The following TESK2 variants were observed in gnomAD, a reference collection of about 807,000 sequenced individuals.
TESK2 encodes the protein dual specificity testis-specific protein kinase 2.
TESK2 carries 39 observed loss-of-function variants against 57.1 expected under a neutral mutation model. The ratio of observed to expected loss-of-function variants is 0.68; its 90% confidence interval spans 0.53 to 0.89. TESK2 has a LOEUF of 0.89. Among genes scored for constraint, TESK2 ranks in the 40% least tolerant of loss-of-function variants. The probability of loss-of-function intolerance (pLI) is 0.00; values close to 1 mark genes in which losing one functional copy is unlikely to be tolerated. For synonymous variants in TESK2, 249 were observed against 267.9 expected (o/e 0.93, Z 0.69); for missense variants, 646 against 732.1 (o/e 0.88, Z 1.36).
chr1:45,471,915 G>A (rs866017280), intron 1 of TESK2, among the ~76,000 whole-genome samples: 7 of 151,958 alleles, frequency 4.6e-5, no homozygotes, highest in African/African-American at 1.7e-4. Flanking sequence ...CACCTCAGCC[G>A]CCTCAGCACT....
intron 2 of TESK2, among the ~76,000 whole-genome samples, chr1:45,430,405 C>T (rs963125867): frequency 2.0e-5 from 3 of 152,056 alleles, no homozygotes; most frequent in Admixed American, 1.3e-4. Flanking sequence ...GTGGGAGGAT[C>T]GCTTGAGCCC....
rs183901205 is a variant in TESK2 at position 45,429,382 on chromosome 1, C to T, written c.223-7536G>A. ...TTGCACTCCAGCCTGGGTGACAGAG[C>T]GCAACTCCATCTAAAAAACAGATTA... On this transcript the variant is annotated intron_variant, in intron 2 of 10. Transcript: ENST00000372086. Among the ~76,000 whole-genome samples the T allele has an allele frequency of 4.9e-3, 748 of 151,832 alleles. 9 individuals carry two copies. The highest frequency in any genetic ancestry group is 0.018 in the African/African-American group (728 of 41,418).
intron 5 of TESK2, among the ~76,000 whole-genome samples, chr1:45,349,004 C>T (rs1275252847): frequency 6.6e-6 from 1 of 152,068 alleles, no homozygotes; most frequent in Non-Finnish European, 1.5e-5. Flanking sequence ...AATAGCCCTA[C>T]ACTGCTCTGG....
chr1:45,349,559 A>G (rs1032926707), intron 5 of TESK2, among the ~76,000 whole-genome samples: 2 of 152,226 alleles, frequency 1.3e-5, no homozygotes, highest in East Asian at 3.9e-4. Context: ...AGCCCTGCCT[A>G]CACTAAGCAG....
chr1:45,386,633 G>A (rs1183705576), intron 3 of TESK2, among the ~76,000 whole-genome samples: 1 of 151,828 alleles, frequency 6.6e-6, no homozygotes, highest in Middle Eastern at 3.2e-3. Context: ...CCTGAGCATT[G>A]TACACTGTAC....
chr1:45,361,917 C>T (rs531641464), intron 4 of TESK2, among the ~76,000 whole-genome samples: 8 of 152,210 alleles, frequency 5.3e-5, no homozygotes, highest in South Asian at 2.1e-4. Context: ...GTGGGAGGAT[C>T]GCTTGAGGCC....
At chr1:45,490,681 G>A (rs1036231227) in intron 1 of TESK2, among the ~76,000 whole-genome samples, 171 bp downstream of exon 1, 1 of 152,172 alleles carries the variant, frequency 6.6e-6, no homozygotes, top group Admixed American at 6.5e-5. Flanking sequence ...AAGCGGCCAG[G>A]AAGGGAGCGT....
intron 2 of TESK2, among the ~76,000 whole-genome samples, chr1:45,435,562 A>ATTTT (rs750074178): frequency 1.3e-4 from 9 of 68,888 alleles, no homozygotes; most frequent in African/African-American, 2.1e-4. Context: ...CTGTGGTCTA[A>ATTTT]TTTTTTTTTT....
chr1:45,457,859 T>G lies in TESK2; in HGVS notation c.-74A>C. The stretch of plus-strand genomic sequence containing the variant: ...AAATTTTTGTTGAATTTTACTTCTC[T>G]TCTGGTTTGACACTAAAGAGATCAA... On this transcript the variant is annotated 5_prime_UTR_variant, in exon 2 of 11. Transcript: ENST00000372086. 3 of 1,373,434 alleles carry G rather than the reference T, an allele frequency of 2.2e-6. No homozygotes were observed. In the South Asian group the frequency reaches 3.7e-5, roughly 17 times the overall value. 85.1% of individuals were successfully genotyped at this position (1,373,434 alleles called of 1,614,324 possible).
intron 3 of TESK2, among the ~76,000 whole-genome samples, chr1:45,416,308 CA>C (rs1469392440): frequency 6.6e-6 from 1 of 151,394 alleles, no homozygotes; most frequent in Non-Finnish European, 1.5e-5. Context: ...GTTTTCTCTA[CA>C]AAAAATACAA....
In TESK2 at chr1:45,398,460, T is replaced by C. The variant is rs566281833; in HGVS notation, c.345-12500A>G. Among the ~76,000 whole-genome samples, 10 of 151,778 alleles carry C rather than the reference T, an allele frequency of 6.6e-5. No individual in the cohort carries two copies. In the East Asian group the frequency reaches 1.9e-3, roughly 29 times the overall value. ...CTCAGGAGGCTGAGGCAGAAGAAAA[T>C]TGCTTGAACCCAGGAGGCAGAGGCT... On this transcript the variant is annotated intron_variant, in intron 3 of 10. Coordinates refer to ENST00000372086, the MANE Select transcript of TESK2 (RefSeq NM_007170.3).
At chr1:45,394,256 G>A (rs1649267438) in intron 3 of TESK2, among the ~76,000 whole-genome samples, 1 of 150,660 alleles carries the variant, frequency 6.6e-6, no homozygotes, top group Non-Finnish European at 1.5e-5. Context: ...CCAGTCTCAA[G>A]TGACTCTCCT....
At chr1:45,436,041 T>C (rs1161367698) in intron 2 of TESK2, among the ~76,000 whole-genome samples, 4 of 152,006 alleles carry the variant, frequency 2.6e-5, no homozygotes, top group Non-Finnish European at 5.9e-5. Context: ...TTGTAATATA[T>C]ATTGAAGTCA....
At chr1:45,389,789 G>T (rs1012245676) in intron 3 of TESK2, among the ~76,000 whole-genome samples, 5 of 152,144 alleles carry the variant, frequency 3.3e-5, no homozygotes, top group African/African-American at 1.2e-4. Flanking sequence ...GTTGTTATGA[G>T]AATTAAATGG....
At chr1:45,466,315 A>T (rs1377285777) in intron 1 of TESK2, among the ~76,000 whole-genome samples, 5 of 152,142 alleles carry the variant, frequency 3.3e-5, no homozygotes, top group African/African-American at 1.2e-4. Context: ...TATCTACTAA[A>T]AATGCAAAAA....
chr1:45,372,744 A>G (rs1177011747), intron 4 of TESK2, among the ~76,000 whole-genome samples: 5 of 151,914 alleles, frequency 3.3e-5, no homozygotes, highest in East Asian at 1.9e-4. Flanking sequence ...TCTTAAAAAA[A>G]AAAAGAAAAG....
chr1:45,455,277 A>G (rs1652024968), intron 2 of TESK2, among the ~76,000 whole-genome samples: 1 of 152,200 alleles, frequency 6.6e-6, no homozygotes. Context: ...TATGTTTTTC[A>G]GACCCCTGAA....
At chr1:45,429,685 A>G (rs1378201275) in intron 2 of TESK2, among the ~76,000 whole-genome samples, 2 of 152,226 alleles carry the variant, frequency 1.3e-5, no homozygotes, top group African/African-American at 4.8e-5. Flanking sequence ...AAGTTGTTCC[A>G]CTAAGTTGTT....
At chr1:45,431,583 A>G (rs1650967286) in intron 2 of TESK2, among the ~76,000 whole-genome samples, 1 of 152,202 alleles carries the variant, frequency 6.6e-6, no homozygotes, top group African/African-American at 2.4e-5. Flanking sequence ...ACCAGTAAGT[A>G]TAATGCAAAT....
Sources: allele counts gnomAD v4.1 joint callset (sites outside exome capture counted in the v4.1 genomes callset), GRCh38; gene constraint gnomAD v4.1.1; transcripts MANE v1.5; gene names NCBI Gene and HGNC (gene_info 2026-07-23, HGNC 2026-07-21).